The following ARFGEF2 variants were observed in gnomAD, a reference collection of about 807,000 sequenced individuals.
The protein encoded by ARFGEF2 is ARF guanine nucleotide exchange factor 2, also known as brefeldin A-inhibited guanine nucleotide-exchange protein 2.
Under a neutral mutation model 219.9 loss-of-function variants are expected in ARFGEF2, and 74 were observed. That is an observed-to-expected ratio of 0.34 (90% CI 0.28 to 0.41). ARFGEF2 has a LOEUF of 0.41. ARFGEF2 is among the 10% of genes least tolerant of loss of function. ARFGEF2 has a pLI of 1.00. For synonymous variants in ARFGEF2, 733 were observed against 799.2 expected, an observed-to-expected ratio of 0.92 and a Z score of 1.40; for missense variants, 1,743 against 2,218.3, an observed-to-expected ratio of 0.79 and a Z score of 4.30.
chr20:48,926,990 T>G (rs1166318862), intron 1 of ARFGEF2, among the ~76,000 whole-genome samples: 6 of 152,150 alleles, frequency 3.9e-5, no homozygotes, highest in Non-Finnish European at 8.8e-5. Context: ...GCTTTTTTGA[T>G]GCTGTGATGG....
At chr20:49,004,114 C>T (rs2123497565) in intron 25 of ARFGEF2, among the ~76,000 whole-genome samples, 1 of 152,132 alleles carries the variant, frequency 6.6e-6, no homozygotes, top group East Asian at 1.9e-4. Context: ...CCTGTAATCG[C>T]AGCATTTTGA....
In ARFGEF2 at chr20:49,013,923, T is replaced by G; in HGVS notation, c.4142T>G (p.Ile1381Ser). Residue 1381 changes from isoleucine to serine, a missense_variant, in exon 30 of 39, where the codon ATT becomes AGT. By Grantham distance (142) the Ile-to-Ser change is moderately radical. This residue lies in a region of ARFGEF2 where 578 missense variants were observed against 664.0 expected (regional missense o/e 0.87). Transcript: ENST00000371917. ...GACCTGTTCAGAATCGTGTTTCGGATTTTTGACAATATGAAACTCCCTGAG... is the reference window on the plus strand; with the variant it reads ...GACCTGTTCAGAATCGTGTTTCGGAGTTTTGACAATATGAAACTCCCTGAG... ...WQDLFRIVFR[I>S]FDNMKLPEQL... 1 of 1,614,038 alleles carries G rather than the reference T, an allele frequency of 6.2e-7. No homozygotes were observed. The highest frequency in any genetic ancestry group is 8.5e-7 in the Non-Finnish European group (1 of 1,179,952).
At chr20:48,990,121 G>A (rs1446499123) in intron 20 of ARFGEF2, among the ~76,000 whole-genome samples, 4 of 152,166 alleles carry the variant, frequency 2.6e-5, no homozygotes, top group African/African-American at 9.7e-5. Flanking sequence ...GGAGGTTGCG[G>A]TGAGCCGAGA....
chr20:49,017,410 C>A, intron 32 of ARFGEF2, 23 bp downstream of exon 32: 1 of 1,613,852 alleles, frequency 6.2e-7, no homozygotes. Context: ...GCAGTTGTTC[C>A]CGTTTATCTC....
intron 1 of ARFGEF2, among the ~76,000 whole-genome samples, chr20:48,926,589 G>A (rs555296810): frequency 6.6e-6 from 1 of 152,178 alleles, no homozygotes; most frequent in South Asian, 2.1e-4. Context: ...CTCCCAAGTA[G>A]CTAGGACTAC....
intron 8 of ARFGEF2, among the ~76,000 whole-genome samples, chr20:48,967,693 G>A (rs1396102687): frequency 6.6e-6 from 1 of 152,200 alleles, no homozygotes; most frequent in Non-Finnish European, 1.5e-5. Flanking sequence ...CACCAAGTCA[G>A]TCTTCTGGGA....
intron 14 of ARFGEF2, among the ~76,000 whole-genome samples, chr20:48,977,691 G>A (rs184253461): frequency 1.3e-4 from 20 of 152,236 alleles, no homozygotes; most frequent in Non-Finnish European, 1.8e-4. Flanking sequence ...AGATGGTATC[G>A]CATTGTGGTT....
chr20:49,005,283 C>T (rs1376730260), intron 26 of ARFGEF2, 62 bp downstream of exon 26: 1 of 1,594,000 alleles, frequency 6.3e-7, no homozygotes, highest in African/African-American at 1.3e-5. Flanking sequence ...CAGAAGCCCT[C>T]CTAACACTAA....
At chr20:48,978,815 A>G (rs186490788) in intron 14 of ARFGEF2, among the ~76,000 whole-genome samples, 28 of 152,292 alleles carry the variant, frequency 1.8e-4, no homozygotes, top group African/African-American at 6.3e-4. Flanking sequence ...ATTTTTGCAC[A>G]TTGATTTTAT....
intron 21 of ARFGEF2, among the ~76,000 whole-genome samples, chr20:48,992,425 G>A (rs540247133): frequency 3.0e-4 from 46 of 152,272 alleles, no homozygotes; most frequent in African/African-American, 8.4e-4. Flanking sequence ...ATAGAAAATT[G>A]CTGTCATCCT....
chr20:49,004,469 T>C (rs1198397890), intron 25 of ARFGEF2, among the ~76,000 whole-genome samples: 2 of 151,760 alleles, frequency 1.3e-5, no homozygotes, highest in African/African-American at 4.8e-5. Context: ...AAAAATTGGG[T>C]ATAGTTGCAA....
At chr20:48,974,343 C>T (rs1191896260) in intron 12 of ARFGEF2, among the ~76,000 whole-genome samples, 1 of 152,012 alleles carries the variant, frequency 6.6e-6, no homozygotes, top group Non-Finnish European at 1.5e-5. Context: ...AACTCCTTAC[C>T]TCAGGTGGTC....
chr20:49,027,501 A>T (rs941812040), intron 36 of ARFGEF2, among the ~76,000 whole-genome samples: 2 of 152,036 alleles, frequency 1.3e-5, no homozygotes, highest in African/African-American at 4.8e-5. Flanking sequence ...GTTCAAGACC[A>T]GCCTGGCAAC....
chr20:49,029,008 A>G (rs1393526874), intron 37 of ARFGEF2, among the ~76,000 whole-genome samples: 1 of 152,238 alleles, frequency 6.6e-6, no homozygotes, highest in East Asian at 1.9e-4. Context: ...GCAGGTTACT[A>G]TCCCTCTTGG....
At chr20:48,985,375 A>G (rs1256611332) in intron 15 of ARFGEF2, 33 bp from the exon 16 acceptor site, 5 of 1,612,256 alleles carry the variant, frequency 3.1e-6, no homozygotes, top group Non-Finnish European at 4.2e-6. Context: ...GTATTTGACA[A>G]TTTCTGGATA....
chr20:49,006,804 T>C (rs1034811590), intron 26 of ARFGEF2, among the ~76,000 whole-genome samples: 8 of 151,990 alleles, frequency 5.3e-5, no homozygotes, highest in Middle Eastern at 6.9e-3. Context: ...GCAGGGTGCC[T>C]AGCTCACATA....
At chr20:48,950,803 AAAAAAAAAATATATAT>A (rs1349655663) in intron 3 of ARFGEF2, among the ~76,000 whole-genome samples, 3 of 39,670 alleles carry the variant, frequency 7.6e-5, no homozygotes, top group African/African-American at 2.7e-4. Flanking sequence ...CTAAAAAAAA[AAAAAAAAAATATATAT>A]ATATATATAT....
intron 3 of ARFGEF2, among the ~76,000 whole-genome samples, chr20:48,950,806 AAAAAAATATAT>A (rs1259406430): frequency 2.3e-5 from 1 of 43,390 alleles, no homozygotes; most frequent in Non-Finnish European, 4.4e-5. Context: ...AAAAAAAAAA[AAAAAAATATAT>A]ATATATATAT....
Position 48,991,201 on chromosome 20 carries a change from A to G in ARFGEF2, c.2973+3A>G. The stretch of plus-strand genomic sequence containing the variant: ...ACCTTGGGAATTCCTGGCATGAGGT[A>G]CGTGTCTCTTTGAATTGCCTTTTCT... On this transcript the variant is annotated splice_donor_region_variant and intron_variant, in intron 21 of 38. Transcript: ENST00000371917. The G allele has an allele frequency of 1.2e-6, 2 of 1,614,224 alleles. No homozygotes were observed. Among genetic ancestry groups the G allele is most frequent in the South Asian group, 2.2e-5 (2 of 91,084 alleles).
Sources: allele counts gnomAD v4.1 joint callset (sites outside exome capture counted in the v4.1 genomes callset), GRCh38; gene constraint gnomAD v4.1.1; regional missense constraint gnomAD v4.1.1; transcripts MANE v1.5; gene names NCBI Gene and HGNC (gene_info 2026-07-23, HGNC 2026-07-21).